NRG3: variants seen among roughly 807,000 people sequenced by gnomAD.
NRG3 encodes the protein neuregulin 3, also known as pro-neuregulin-3, membrane-bound isoform.
NRG3 carries 31 observed loss-of-function variants against 66.9 expected under a neutral mutation model. That is an observed-to-expected ratio of 0.46 (90% confidence interval 0.35 to 0.63). The LOEUF (loss-of-function observed/expected upper bound fraction) is 0.63, where lower values mean the gene tolerates loss of function less well. Ranked by LOEUF, NRG3 falls within the 20% of genes least tolerant of loss-of-function variation. NRG3 has a pLI of 0.00. For synonymous variants in NRG3, 393 were observed against 359.4 expected, an observed-to-expected ratio of 1.09 and a Z score of -1.06; for missense variants, 910 against 878.9, an observed-to-expected ratio of 1.04 and a Z score of -0.45.
chr10:82,059,804 A>G (rs1199578220), intron 1 of NRG3, among the ~76,000 whole-genome samples: 1 of 152,140 alleles, frequency 6.6e-6, no homozygotes, highest in Non-Finnish European at 1.5e-5. Flanking sequence ...CCTTCTGCCT[A>G]CATATCTTAA....
intron 1 of NRG3, among the ~76,000 whole-genome samples, chr10:82,091,151 A>G (rs767605078): frequency 6.6e-6 from 1 of 152,050 alleles, no homozygotes; most frequent in Non-Finnish European, 1.5e-5. Flanking sequence ...GTGATAAGAT[A>G]TACATAATAT....
chr10:82,171,784 T>G (rs1276811440), intron 1 of NRG3, among the ~76,000 whole-genome samples: 17 of 152,052 alleles, frequency 1.1e-4, no homozygotes, highest in Non-Finnish European at 1.5e-4. Flanking sequence ...CCACGTTTCA[T>G]GTAGCAGGAA....
Position 82,694,535 on chromosome 10 carries a change from GT to G in NRG3, c.954-44039del, listed in dbSNP as rs541192694. 2.5e-3 allele frequency among the ~76,000 whole-genome samples: 386 copies of G among 152,172 alleles called. 1 individual carries two copies. The highest frequency in any genetic ancestry group is 4.6e-3 in the Non-Finnish European group (311 of 67,990). On this transcript the variant is annotated intron_variant, in intron 2 of 8. Coordinates refer to ENST00000372141, the MANE Select transcript of NRG3 (RefSeq NM_001010848.4). Reference sequence around the variant, plus strand: ...TTTGGGAGGTCAAGGCCAGCAGATTGTTTGAGGCTAGGAGTTTGAGAACAGA... The same window carrying G: ...TTTGGGAGGTCAAGGCCAGCAGATTGTTGAGGCTAGGAGTTTGAGAACAGA...
At chr10:82,407,082 T>C (rs549283115) in intron 2 of NRG3, among the ~76,000 whole-genome samples, 1 of 103,056 alleles carries the variant, frequency 9.7e-6, no homozygotes, top group African/African-American at 5.9e-5. Context: ...CCAGTGTCTT[T>C]TTATTTTATT....
intron 1 of NRG3, among the ~76,000 whole-genome samples, chr10:81,949,463 C>T (rs1849138942): frequency 6.6e-6 from 1 of 151,970 alleles, no homozygotes; most frequent in African/African-American, 2.4e-5. Context: ...CCACCGTCAC[C>T]TTGTTTAGGA....
rs1001331835 is a variant in NRG3 at position 82,206,901 on chromosome 10, A to G, written c.824-151838A>G. On this transcript the variant is annotated intron_variant, in intron 1 of 8. Coordinates refer to ENST00000372141, the MANE Select transcript of NRG3 (RefSeq NM_001010848.4). ...CCAGTTTAAGCCTCACGCCAAACTT[A>G]TGAGGTTGATATTCTTACTTCTATG... Among the ~76,000 whole-genome samples the G allele has an allele frequency of 5.3e-4, 81 of 152,322 alleles. 1 individual carries two copies. The highest frequency in any genetic ancestry group is 1.9e-3 in the African/African-American group (79 of 41,564).
intron 1 of NRG3, chr10:82,225,393 T>C (rs1248582058): frequency 6.6e-6 from 1 of 152,202 alleles, no homozygotes; most frequent in Non-Finnish European, 1.5e-5. Flanking sequence ...CTCATGCACA[T>C]AGCACCTTGA....
intron 5 of NRG3, among the ~76,000 whole-genome samples, chr10:82,953,356 T>C (rs1849712839): frequency 6.6e-6 from 1 of 151,874 alleles, no homozygotes; most frequent in Non-Finnish European, 1.5e-5. Context: ...ATTTTAGGAG[T>C]TCTAGTTTAA....
chr10:82,738,810 A>C (rs575955052), intron 3 of NRG3, among the ~76,000 whole-genome samples, 160 bp downstream of exon 3: 31 of 152,340 alleles, frequency 2.0e-4, no homozygotes, highest in African/African-American at 7.2e-4. Flanking sequence ...AAGCATCCTC[A>C]GAGCTGGCTC....
At chr10:82,449,150 C>A (rs753923680) in intron 2 of NRG3, among the ~76,000 whole-genome samples, 6 of 152,136 alleles carry the variant, frequency 3.9e-5, no homozygotes, top group Non-Finnish European at 8.8e-5. Flanking sequence ...GCTATCTGAA[C>A]CACGTGGGGC....
At chr10:82,976,489 T>C (rs1306411230) in intron 7 of NRG3, among the ~76,000 whole-genome samples, 2 of 152,176 alleles carry the variant, frequency 1.3e-5, no homozygotes, top group African/African-American at 4.8e-5. Context: ...TGAGCACCTA[T>C]TGTGTGCCAG....
chr10:81,945,621 T>C (rs1227786445), intron 1 of NRG3, among the ~76,000 whole-genome samples: 1 of 152,176 alleles, frequency 6.6e-6, no homozygotes, highest in Non-Finnish European at 1.5e-5. Flanking sequence ...CTTTTACATC[T>C]TGATACAGTA....
chr10:82,926,537 T>C (rs887662075), intron 4 of NRG3, among the ~76,000 whole-genome samples: 10 of 152,360 alleles, frequency 6.6e-5, no homozygotes, highest in East Asian at 1.9e-4. Context: ...CATCCTTAAG[T>C]CATTCCATTT....
intron 2 of NRG3, among the ~76,000 whole-genome samples, chr10:82,618,189 G>A (rs1222246712): frequency 3.9e-5 from 6 of 152,172 alleles, no homozygotes; most frequent in Non-Finnish European, 8.8e-5. Context: ...CAGGGAACTT[G>A]CCTCTTTGTC....
chr10:82,711,411 TTC>T, intron 2 of NRG3, among the ~76,000 whole-genome samples: 1 of 152,212 alleles, frequency 6.6e-6, no homozygotes, highest in East Asian at 1.9e-4. Context: ...ATAAGAATGT[TTC>T]TGATTTGTGT....
intron 3 of NRG3, among the ~76,000 whole-genome samples, chr10:82,791,637 G>T (rs545850546): frequency 6.6e-6 from 1 of 152,106 alleles, no homozygotes; most frequent in East Asian, 1.9e-4. Flanking sequence ...CTGTTCATGC[G>T]TATAACATTG....
intron 4 of NRG3, among the ~76,000 whole-genome samples, chr10:82,869,200 T>C (rs992981767): frequency 6.6e-6 from 1 of 152,186 alleles, no homozygotes; most frequent in Non-Finnish European, 1.5e-5. Context: ...GTGTGTCAAT[T>C]TCTTTAATAG....
chr10:81,894,146 AC>A (rs1843290596), intron 1 of NRG3, among the ~76,000 whole-genome samples: 1 of 151,984 alleles, frequency 6.6e-6, no homozygotes, highest in Non-Finnish European at 1.5e-5. Flanking sequence ...TTTAAGACCA[AC>A]CTGATCAACA....
chr10:82,501,047 T>C (rs565515241), intron 2 of NRG3, among the ~76,000 whole-genome samples: 1 of 152,136 alleles, frequency 6.6e-6, no homozygotes, highest in African/African-American at 2.4e-5. Flanking sequence ...AATTTGAACA[T>C]ATTGTGTCTG....
Sources: allele counts gnomAD v4.1 joint callset (sites outside exome capture counted in the v4.1 genomes callset), GRCh38; gene constraint gnomAD v4.1.1; transcripts MANE v1.5; gene names NCBI Gene and HGNC (gene_info 2026-07-23, HGNC 2026-07-21).